Variants in MARF1 observed in about 807,000 individuals in gnomAD.
MARF1 encodes the protein limkain-b1.
Under a neutral mutation model 168.2 loss-of-function variants are expected in MARF1, and 24 were observed. The observed-to-expected ratio is 0.14, with a 90% CI of 0.10 to 0.20. MARF1 has a LOEUF of 0.20. MARF1 is among the 10% of genes least tolerant of loss of function. MARF1 has a pLI of 1.00. For missense variants in MARF1, 1,744 were observed against 2,143.6 expected, an observed-to-expected ratio of 0.81 and a Z score of 3.68; for synonymous variants, 868 against 822.4, an observed-to-expected ratio of 1.06 and a Z score of -0.95.
rs2151024909 is a variant in MARF1 at position 15,600,566 on chromosome 16, G to C, written c.4688-13C>G. 6.2e-7 allele frequency: 1 copy of C among 1,614,196 alleles called. No individual in the cohort carries two copies. Among genetic ancestry groups the C allele is most frequent in the Non-Finnish European group, 8.5e-7 (1 of 1,180,046 alleles). On this transcript the variant is annotated splice_polypyrimidine_tract_variant and intron_variant, in intron 24 of 26. Coordinates refer to ENST00000396368, the MANE Select transcript of MARF1 (RefSeq NM_014647.4). ...GAACTCAAACGACCTACAGGACAAA[G>C]AGCACCCGTCAGAGAGAAATGTCAG...
intron 1 of MARF1, among the ~76,000 whole-genome samples, chr16:15,639,764 T>G (rs967536135): frequency 6.6e-6 from 1 of 152,146 alleles, no homozygotes; most frequent in African/African-American, 2.4e-5. Context: ...AAACACAAAA[T>G]ATCAGAGCAT....
chr16:15,636,074 G>C lies in MARF1; in HGVS notation c.413C>G (p.Ser138Trp). Residue 138 changes from serine (S) to tryptophan (W), a missense_variant, in exon 3 of 27, where the codon TCG (serine) becomes TGG (tryptophan). Ser to Trp is a radical substitution (Grantham distance 177). This residue lies in a region of MARF1 where 318 missense variants were observed against 336.6 expected (regional missense o/e 0.94). Transcript: ENST00000396368. ...ACACGTGATTGTCCTGGTGCTTTGCGAGTCTAACAGTGCGCCCGGGTGAAT... is the reference window on the plus strand; with the variant it reads ...ACACGTGATTGTCCTGGTGCTTTGCCAGTCTAACAGTGCGCCCGGGTGAAT... ...SLIHPGALLDSQSTRTITCQV... is the reference protein window; with the variant it reads ...SLIHPGALLDWQSTRTITCQV... 1 of 1,614,208 alleles carries C rather than the reference G, an allele frequency of 6.2e-7. No individual in the cohort carries two copies. Among genetic ancestry groups the C allele is most frequent in the Non-Finnish European group, 8.5e-7 (1 of 1,180,042 alleles).
intron 18 of MARF1, among the ~76,000 whole-genome samples, chr16:15,611,391 G>A (rs142582858): frequency 5.8e-4 from 87 of 150,626 alleles, no homozygotes; most frequent in African/African-American, 2.0e-3. Context: ...CCCGGGAGGC[G>A]GAGCTTGCAG....
Position 15,635,795 on chromosome 16 carries a change from C to T in MARF1, c.692G>A (p.Ser231Asn). Residue 231 changes from serine to asparagine, a missense_variant, in exon 3 of 27, where the codon AGC (serine) becomes AAC (asparagine). Around this residue, in one of 7 missense-constraint regions of MARF1, gnomAD observed 318 missense variants for 336.6 expected, o/e 0.94. Coordinates refer to ENST00000396368, the MANE Select transcript of MARF1 (RefSeq NM_014647.4). ...AGYFPCSDFTSGAPGHLEEHI... is the reference protein window; with the variant it reads ...AGYFPCSDFTNGAPGHLEEHI... ...CTCTTCCAAATGCCCTGGAGCCCCG[C>T]TTGTGAAATCAGAACAGGGGAAATA... 6.2e-7 allele frequency: 1 copy of T among 1,614,206 alleles called. No individual in the cohort carries two copies. The highest frequency in any genetic ancestry group is 8.5e-7 in the Non-Finnish European group (1 of 1,180,034).
intron 16 of MARF1, among the ~76,000 whole-genome samples, chr16:15,613,430 A>T (rs1292368379): frequency 6.6e-6 from 1 of 151,994 alleles, no homozygotes; most frequent in Non-Finnish European, 1.5e-5. Flanking sequence ...CGGGCGGATC[A>T]CGAGGTCAGG....
chr16:15,599,165 A>AC lies in MARF1; in HGVS notation c.4814-142_4814-141insG, dbSNP rs764835504. On this transcript the variant is annotated intron_variant, in intron 25 of 26. Transcript: ENST00000396368. The stretch of plus-strand genomic sequence containing the variant: ...AGTATTTAAGGTATTAAAAAAAAAA[A>AC]AAAAAAAAAACAAAAACCCAAAACC... 2.6e-4 allele frequency: 210 copies of AC among 796,878 alleles called. 1 individual carries two copies. In the African/African-American group the frequency reaches 3.2e-3, roughly 12 times the overall value. 49.4% of individuals were successfully genotyped at this position (796,878 alleles called of 1,614,324 possible).
intron 10 of MARF1, among the ~76,000 whole-genome samples, chr16:15,624,141 G>C (rs773975308): frequency 3.2e-4 from 48 of 151,910 alleles, no homozygotes; most frequent in Non-Finnish European, 6.3e-4. Flanking sequence ...GGATGGTCTT[G>C]ATCTCCTAAC....
chr16:15,617,453 C>A lies in MARF1; in HGVS notation c.2803G>T (p.Val935Leu), dbSNP rs1462906385. 5 of 1,613,890 alleles carry A rather than the reference C, an allele frequency of 3.1e-6. No homozygotes were observed. Among genetic ancestry groups the A allele is most frequent in the Middle Eastern group, 1.7e-4 (1 of 5,988 alleles). Residue 935 changes from valine to leucine, a missense_variant, in exon 14 of 27, where the codon GTG (valine) becomes TTG (leucine). This residue lies in a region of MARF1 where 543 missense variants were observed against 742.1 expected (regional missense o/e 0.73). Coordinates refer to ENST00000396368, the MANE Select transcript of MARF1 (RefSeq NM_014647.4). ...AIREQGNGRL[V>L]CLLPSSQARQ... ...GCCTGACTGCTGGGTAGGAGACACA[C>A]CAGCCGTCCGTTTCCTTGTTCACGG...
At chr16:15,624,191 T>C (rs1189184024) in intron 10 of MARF1, among the ~76,000 whole-genome samples, 1 of 151,902 alleles carries the variant, frequency 6.6e-6, no homozygotes, top group Non-Finnish European at 1.5e-5. Context: ...AGTGCTGGGA[T>C]TACAGGCGTG....
chr16:15,625,303 G>C lies in MARF1; in HGVS notation c.1953+69C>G. 2.6e-6 allele frequency: 4 copies of C among 1,545,524 alleles called. No homozygotes were observed. The South Asian group carries it at 5.0e-5, about 19-fold the overall frequency. On this transcript the variant is annotated intron_variant, in intron 8 of 26. Transcript: ENST00000396368. ...AAAAAGGGACACGCCAAAAGCAAGC[G>C]GGCACGTAAAACACAGAAACAAACC...
rs1232533900 is a variant in MARF1 at position 15,636,028 on chromosome 16, A to G, written c.459T>C (p.Ala153=). 6.2e-7 allele frequency: 1 copy of G among 1,614,086 alleles called. No individual in the cohort carries two copies. The highest frequency in any genetic ancestry group is 1.3e-5 in the African/African-American group (1 of 74,930). The part of the protein sequence containing the change: ...TITCQVGSGF[A]FQSASSLQNA... ...TCTGGAGTGAAGATGCAGACTGGAA[A>G]GCAAACCCTGACCCTACCTGACACG... The change falls in exon 3 of 27, where the codon GCT becomes GCC. Residue 153 remains alanine (A), a synonymous_variant. Transcript: ENST00000396368.
chr16:15,607,063 T>C (rs2033079757), intron 21 of MARF1, among the ~76,000 whole-genome samples: 1 of 152,086 alleles, frequency 6.6e-6, no homozygotes, highest in Non-Finnish European at 1.5e-5. Flanking sequence ...AGTCAGGCAG[T>C]CCCTCTCTGA....
At chr16:15,621,935 A>C (rs752310289) in intron 11 of MARF1, 24 bp from the exon 12 acceptor site, 7 of 1,609,022 alleles carry the variant, frequency 4.4e-6, no homozygotes, top group Non-Finnish European at 5.9e-6. Context: ...AGCGAAAACT[A>C]AACGCTATGT....
chr16:15,642,925 C>T lies in MARF1; in HGVS notation c.-59+93G>A, dbSNP rs185677344. ...CCACCACCATCCCACCAGCAATAGGCGGGGAAAGAGGGGACACTGTCCTCC... is the reference window on the plus strand; with the variant it reads ...CCACCACCATCCCACCAGCAATAGGTGGGGAAAGAGGGGACACTGTCCTCC... On this transcript the variant is annotated intron_variant, in intron 1 of 26. Coordinates refer to ENST00000396368, the MANE Select transcript of MARF1 (RefSeq NM_014647.4). The T allele has an allele frequency of 3.0e-4, 55 of 180,396 alleles. No homozygotes were observed. In the East Asian group the frequency reaches 0.01, roughly 33 times the overall value. 11.2% of individuals were successfully genotyped at this position (180,396 alleles called of 1,614,324 possible). A position where few individuals can be genotyped will look rare whatever the true frequency, so the allele number is the denominator to read the frequency against.
intron 22 of MARF1, chr16:15,602,704 A>C: frequency 2.2e-6 from 1 of 452,342 alleles, no homozygotes; most frequent in South Asian, 1.6e-5. Context: ...AGCCTCCAGC[A>C]AACTTCAGTT....
Position 15,632,466 on chromosome 16 carries a change from T to C in MARF1, c.1234-968A>G, listed in dbSNP as rs376387356. On this transcript the variant is annotated intron_variant, in intron 5 of 26. Coordinates refer to ENST00000396368, the MANE Select transcript of MARF1 (RefSeq NM_014647.4). The stretch of plus-strand genomic sequence containing the variant: ...GAAAAGAGAGATAAGGAAGGTGCTT[T>C]ACTAGCCCAACCAGAAACAGAAACT... Among the ~76,000 whole-genome samples, 33 of 152,326 alleles carry C rather than the reference T, an allele frequency of 2.2e-4. 3 individuals carry two copies. The highest frequency in any genetic ancestry group is 1.6e-3 in the Admixed American group (25 of 15,296).
rs746702190 is a variant in MARF1, at chr16:15,612,650, G to T, written c.3381C>A (p.Ser1127=). 1.2e-6 allele frequency: 2 copies of T among 1,614,158 alleles called. No homozygotes were observed. Among genetic ancestry groups the T allele is most frequent in the Non-Finnish European group, 1.7e-6 (2 of 1,180,006 alleles). The change falls in exon 17 of 27, where the codon TCC becomes TCA. Residue 1127 remains serine, a synonymous_variant. Transcript: ENST00000396368. ...CVIPISHFIP[S]YHHHFAKQCR... is the part of the protein sequence containing the mutation. ...ACTGCTTTGCAAAATGATGGTGATA[G>T]GATGGGATGAAATGACTGATGGGTA...
rs765698550 is a variant in MARF1, at chr16:15,625,717, G to A, written c.1608C>T (p.Ser536=). Residue 536 remains serine (S), a synonymous_variant, in exon 8 of 27, where the codon TCC becomes TCT. Transcript: ENST00000396368. ...KSVSNRLRRL[S]DNCGGKVLSI... ...TCAGCACTTTCCCACCACAATTATC[G>A]GACAGGCGTCTGAGCCTGTTGCTGA... The A allele has an allele frequency of 6.8e-6, 11 of 1,614,014 alleles. No homozygotes were observed. The highest frequency in any genetic ancestry group is 3.3e-5 in the South Asian group (3 of 91,092).
At chr16:15,621,529 T>C (rs2042354767) in intron 12 of MARF1, 1 of 569,818 alleles carries the variant, frequency 1.8e-6, no homozygotes, top group Non-Finnish European at 3.0e-6. Context: ...GCCTGTCAAG[T>C]TTAAGCTGTA....
Sources: gnomAD v4.1 joint callset for allele counts (sites outside exome capture counted in the v4.1 genomes callset) on GRCh38, gnomAD v4.1.1 for gene constraint, gnomAD v4.1.1 regional missense constraint, MANE v1.5 for transcripts, NCBI Gene and HGNC (gene_info 2026-07-23, HGNC 2026-07-21) for gene names.